Variants in BICD2 observed in about 807,000 individuals in gnomAD.
BICD2 encodes protein bicaudal D homolog 2.
Under a neutral mutation model 72.9 loss-of-function variants are expected in BICD2, and 25 were observed. The observed-to-expected ratio is 0.34, with a 90% CI of 0.25 to 0.48. The LOEUF is 0.48. Ranked by LOEUF, BICD2 falls within the 20% of genes least tolerant of loss-of-function variation. The probability of loss-of-function intolerance (pLI) is 0.99; values close to 1 mark genes in which losing one functional copy is unlikely to be tolerated. For missense variants in BICD2, 894 were observed against 1,175.2 expected, an observed-to-expected ratio of 0.76 and a Z score of 3.50; for synonymous variants, 501 against 516.1, an observed-to-expected ratio of 0.97 and a Z score of 0.40.
In BICD2 at chr9:92,740,488, T is replaced by C. The variant is rs1853878159; in HGVS notation, c.241-11252A>G. On this transcript the variant is annotated intron_variant, in intron 1 of 6. Coordinates refer to ENST00000356884, the MANE Select transcript of BICD2 (RefSeq NM_001003800.2). ...ATAAACAAAAAATAGAAACAAATCA[T>C]ATCAAAACTTCAGGATCACGGCCAA... Among the ~76,000 whole-genome samples, 8 of 151,496 alleles carry C rather than the reference T, an allele frequency of 5.3e-5. No individual in the cohort carries two copies. In the South Asian group the frequency reaches 1.7e-3, roughly 32 times the overall value.
intron 1 of BICD2, among the ~76,000 whole-genome samples, chr9:92,739,415 A>G (rs1164152170): frequency 6.6e-6 from 1 of 152,212 alleles, no homozygotes; most frequent in Non-Finnish European, 1.5e-5. Flanking sequence ...TCACAGGATG[A>G]TAAAACTCAC....
rs569045659 is a variant in BICD2 at position 92,758,068 on chromosome 9, G to T, written c.240+6437C>A. On this transcript the variant is annotated intron_variant, in intron 1 of 6. Transcript: ENST00000356884. ...AAAATACAAAAATTAGCCGGGCGTG[G>T]TGGTGGGCTCCTGTAATCCCAGCTA... 6.6e-5 allele frequency among the ~76,000 whole-genome samples: 10 copies of T among 152,128 alleles called. No homozygotes were observed. The South Asian group carries it at 1.2e-3, about 19-fold the overall frequency.
At chr9:92,744,350 G>A (rs568902125) in intron 1 of BICD2, among the ~76,000 whole-genome samples, 4 of 152,262 alleles carry the variant, frequency 2.6e-5, no homozygotes, top group Middle Eastern at 3.4e-3. Context: ...GGTGTCAAAA[G>A]CCAGAATGAT....
Position 92,728,813 on chromosome 9 carries a change from G to A in BICD2, c.453+211C>T, listed in dbSNP as rs543849254. On this transcript the variant is annotated intron_variant, in intron 2 of 6. Coordinates refer to ENST00000356884, the MANE Select transcript of BICD2 (RefSeq NM_001003800.2). ...GAGACAGAAGCAAGCCAGAGGCAGT[G>A]GAACTTGTGGGTCCATCTCTCTCCC... 3.0e-4 allele frequency among the ~76,000 whole-genome samples: 46 copies of A among 152,370 alleles called. No individual in the cohort carries two copies. The South Asian group carries it at 9.5e-3, about 32-fold the overall frequency.
intron 1 of BICD2, among the ~76,000 whole-genome samples, chr9:92,742,628 C>A (rs1175153494): frequency 2.6e-5 from 4 of 152,134 alleles, no homozygotes; most frequent in African/African-American, 9.7e-5. Flanking sequence ...CGTGATCCGC[C>A]CACCTCGACC....
chr9:92,747,425 G>A (rs995529974), intron 1 of BICD2, among the ~76,000 whole-genome samples: 1 of 152,180 alleles, frequency 6.6e-6, no homozygotes, highest in Non-Finnish European at 1.5e-5. Flanking sequence ...GCTCCTGGGT[G>A]AGGTCCTGAC....
rs1483825204 is a variant in BICD2, at chr9:92,764,170, G to C, written c.240+335C>G. ...CCCTCCCAACCCCACCCCACACTCAGACACACCCGGAACAGCGACCACCGC... is the reference window on the plus strand; with the variant it reads ...CCCTCCCAACCCCACCCCACACTCACACACACCCGGAACAGCGACCACCGC... On this transcript the variant is annotated intron_variant, in intron 1 of 6. Coordinates refer to ENST00000356884, the MANE Select transcript of BICD2 (RefSeq NM_001003800.2). This position sits in a 1 kb window ranked among gnomAD's most constrained non-coding sequence, Gnocchi z 5.5. 7.0e-6 allele frequency among the ~76,000 whole-genome samples: 1 copy of C among 143,400 alleles called. No individual in the cohort carries two copies. Among genetic ancestry groups the C allele is most frequent in the Non-Finnish European group, 1.5e-5 (1 of 66,114 alleles). 94.1% of individuals were successfully genotyped at this position (143,400 alleles called of 152,430 possible).
At chr9:92,762,193 GA>G (rs914595276) in intron 1 of BICD2, among the ~76,000 whole-genome samples, 2 of 151,330 alleles carry the variant, frequency 1.3e-5, no homozygotes, top group East Asian at 1.9e-4. Flanking sequence ...CTCTACAGGA[GA>G]AAAAAAACCC....
intron 1 of BICD2, among the ~76,000 whole-genome samples, chr9:92,744,243 C>G (rs1413192094): frequency 6.6e-6 from 1 of 152,180 alleles, no homozygotes; most frequent in Non-Finnish European, 1.5e-5. Context: ...ATACAAGCAG[C>G]AATGAGGACC....
chr9:92,722,490 T>C (rs1340961958), intron 3 of BICD2, among the ~76,000 whole-genome samples, 166 bp downstream of exon 3: 1 of 152,118 alleles, frequency 6.6e-6, no homozygotes, highest in Non-Finnish European at 1.5e-5. Context: ...AGAGTCTGGG[T>C]CCCACCAAGT....
Position 92,713,749 on chromosome 9 carries a change from C to G in BICD2, c.*1405G>C. ...TCTTGCTGGGGCAGGGGGATCTGGG[C>G]CCAGGATGAACACGCAGGGGACATA... On this transcript the variant is annotated 3_prime_UTR_variant, in exon 7 of 7. Coordinates refer to ENST00000356884, the MANE Select transcript of BICD2 (RefSeq NM_001003800.2). 1 of 1,333,516 alleles carries G rather than the reference C, an allele frequency of 7.5e-7. No homozygotes were observed. The allele number at this position is 1,333,516 out of a possible 1,614,324, so 82.6% of individuals were successfully genotyped here. A position where few individuals can be genotyped will look rare whatever the true frequency, so the allele number is the denominator to read the frequency against.
In BICD2 at chr9:92,714,165, A is replaced by T. The variant is rs1450396579; in HGVS notation, c.*989T>A. The T allele has an allele frequency of 6.1e-6, 6 of 985,412 alleles. No individual in the cohort carries two copies. The highest frequency in any genetic ancestry group is 7.2e-6 in the Non-Finnish European group (6 of 830,022). 61.0% of individuals were successfully genotyped at this position (985,412 alleles called of 1,614,324 possible). On this transcript the variant is annotated 3_prime_UTR_variant, in exon 7 of 7. Coordinates refer to ENST00000356884, the MANE Select transcript of BICD2 (RefSeq NM_001003800.2). ...CTGACAAGTGGCCCTGGCCCTATGC[A>T]AAGCTTTCCCAGCACCGGGCTGGGC...
Position 92,713,761 on chromosome 9 carries a change from A to C in BICD2, c.*1393T>G. 7.6e-7 allele frequency: 1 copy of C among 1,308,408 alleles called. No homozygotes were observed. The allele number at this position is 1,308,408 out of a possible 1,614,324, so 81.0% of individuals were successfully genotyped here. ...AGGGGGATCTGGGCCCAGGATGAAC[A>C]CGCAGGGGACATACATGGGCGTGTC... On this transcript the variant is annotated 3_prime_UTR_variant, in exon 7 of 7. Coordinates refer to ENST00000356884, the MANE Select transcript of BICD2 (RefSeq NM_001003800.2).
chr9:92,734,553 C>T (rs1360564611), intron 1 of BICD2, among the ~76,000 whole-genome samples: 1 of 151,290 alleles, frequency 6.6e-6, no homozygotes, highest in African/African-American at 2.4e-5. Flanking sequence ...AAATCCACCT[C>T]CCCCACCCCC....
chr9:92,718,062 AGCTCCTGGGAGGCCCCTCCCTGT>A, intron 5 of BICD2, 114 bp from the exon 6 acceptor site: 1 of 1,315,446 alleles, frequency 7.6e-7, no homozygotes, highest in East Asian at 2.3e-5. Flanking sequence ...CTGGGAAGAA[AGCTCCTGGGAGGCCCCTCCCTGT>A]GACAAACCCT....
intron 1 of BICD2, among the ~76,000 whole-genome samples, chr9:92,752,820 G>T (rs1189967674): frequency 6.6e-6 from 1 of 152,188 alleles, no homozygotes; most frequent in African/African-American, 2.4e-5. Flanking sequence ...GAGTGGGAGG[G>T]AGGGAAAAGT....
intron 1 of BICD2, among the ~76,000 whole-genome samples, chr9:92,742,397 T>C: frequency 6.6e-6 from 1 of 151,860 alleles, no homozygotes; most frequent in Non-Finnish European, 1.5e-5. Flanking sequence ...TTTTTTCTTT[T>C]TTTTTGAGAT....
At chr9:92,757,310 T>C (rs1207831778) in intron 1 of BICD2, among the ~76,000 whole-genome samples, 2 of 60,970 alleles carry the variant, frequency 3.3e-5, no homozygotes, top group Non-Finnish European at 5.4e-5. Context: ...CGAGACTGTC[T>C]CCAAAAAAAA....
intron 1 of BICD2, among the ~76,000 whole-genome samples, chr9:92,754,637 C>T (rs555848560): frequency 5.3e-5 from 8 of 152,296 alleles, no homozygotes; most frequent in Admixed American, 6.5e-5. Context: ...GGCAGAAGAA[C>T]GTGGATTGTG....
Sources: gnomAD v4.1 joint callset for allele counts (sites outside exome capture counted in the v4.1 genomes callset) on GRCh38, gnomAD v4.1.1 for gene constraint, Gnocchi (gnomAD v3.1) non-coding constraint, MANE v1.5 for transcripts, NCBI Gene and HGNC (gene_info 2026-07-23, HGNC 2026-07-21) for gene names.